The following PINK1 variants were observed in gnomAD, a reference collection of about 807,000 sequenced individuals.
PINK1 encodes serine/threonine-protein kinase PINK1, mitochondrial.
In PINK1, 58 loss-of-function variants were observed where a neutral mutation model predicts 56.0. The ratio of observed to expected loss-of-function variants is 1.04; its 90% CI spans 0.84 to 1.29. The LOEUF is 1.29. Among genes scored for constraint, PINK1 ranks in the 50% most tolerant of loss-of-function variants. PINK1 has a pLI of 0.00. For missense variants in PINK1, 745 were observed against 777.9 expected (o/e 0.96, Z 0.50); for synonymous variants, 354 against 339.3 (o/e 1.04, Z -0.48).
chr1:20,645,708 G>A lies in PINK1; in HGVS notation c.1108G>A (p.Val370Met), dbSNP rs1570405073. ...AGACCTGAAATCCGACAACATCCTT[G>A]TGGAGCTGGACCCAGGTAGGAACCT... ...HRDLKSDNIL[V>M]ELDPDGCPWL... The change falls in exon 5 of 8, where the codon GTG (valine) becomes ATG (methionine). Residue 370 changes from valine to methionine, a missense_variant. Coordinates refer to ENST00000321556, the MANE Select transcript of PINK1 (RefSeq NM_032409.3). 1 of 1,614,152 alleles carries A rather than the reference G, an allele frequency of 6.2e-7. No individual in the cohort carries two copies. The highest frequency in any genetic ancestry group is 8.5e-7 in the Non-Finnish European group (1 of 1,180,032).
chr1:20,645,863 C>A, intron 5 of PINK1, 140 bp downstream of exon 5: 2 of 1,119,012 alleles, frequency 1.8e-6, no homozygotes, highest in Non-Finnish European at 2.6e-6. Context: ...AAGAGGTTAG[C>A]AATCTCTCCC....
chr1:20,642,549 A>G (rs2053127105), intron 3 of PINK1: 2 of 152,246 alleles, frequency 1.3e-5, no homozygotes, highest in South Asian at 4.1e-4. Context: ...GACATCAGCA[A>G]ACTTGTTCTG....
At position 20,650,724 on chromosome 1, in the gene PINK1, G is replaced by A; in HGVS notation, c.*33G>A. On this transcript the variant is annotated 3_prime_UTR_variant, in exon 8 of 8. Coordinates refer to ENST00000321556, the MANE Select transcript of PINK1 (RefSeq NM_032409.3). ...GCATGGAGCTGGTGAATTACTAAAA[G>A]AACATGGCATCCTCTGTGTCGTGAT... is the stretch of plus-strand genomic sequence containing the variant. The A allele has an allele frequency of 6.2e-7, 1 of 1,608,090 alleles. No individual in the cohort carries two copies. Among genetic ancestry groups the A allele is most frequent in the South Asian group, 1.1e-5 (1 of 90,490 alleles).
intron 4 of PINK1, 73 bp from the exon 5 acceptor site, chr1:20,645,487 C>A (rs867148175): frequency 3.0e-4 from 334 of 1,120,678 alleles, no homozygotes; most frequent in African/African-American, 1.3e-3. Context: ...GACTCCATCT[C>A]AAAAAAAAAA....
In PINK1 at chr1:20,641,628, GAGA is replaced by G. The variant is rs2053116547; in HGVS notation, c.776+1639_776+1641del. On this transcript the variant is annotated intron_variant, in intron 3 of 7. Coordinates refer to ENST00000321556, the MANE Select transcript of PINK1 (RefSeq NM_032409.3). This position sits in a 1 kb window ranked among gnomAD's most constrained non-coding sequence, Gnocchi z 4.0. Reference sequence around the variant, plus strand: ...TACCTCAACTTCTGGTACACCTTGGGAGAAGCTTTCCCAAGAACACCCTGGGTT... The same window carrying G: ...TACCTCAACTTCTGGTACACCTTGGGAGCTTTCCCAAGAACACCCTGGGTT... Among the ~76,000 whole-genome samples, 1 of 152,102 alleles carries G rather than the reference GAGA, an allele frequency of 6.6e-6. No individual in the cohort carries two copies. The highest frequency in any genetic ancestry group is 1.5e-5 in the Non-Finnish European group (1 of 68,014).
At position 20,633,819 on chromosome 1, in the gene PINK1, G is replaced by C; in HGVS notation, c.271G>C (p.Gly91Arg). 1 of 1,577,586 alleles carries C rather than the reference G, an allele frequency of 6.3e-7. No homozygotes were observed. ...GCGGCAGTTCGTGGTGCGGGCCTGG[G>C]GCTGCGCGGGCCCTTGCGGCCGGGC... ...LQRQFVVRAW[G>R]CAGPCGRAVF... Residue 91 changes from glycine (G) to arginine (R), a missense_variant, in exon 1 of 8, where the codon GGC becomes CGC. Transcript: ENST00000321556.
At chr1:20,649,840 T>C in intron 7 of PINK1, 1 of 165,220 alleles carries the variant, frequency 6.1e-6, no homozygotes, top group South Asian at 1.5e-4. Flanking sequence ...AATGGAGATG[T>C]AGCTCATGGA....
At chr1:20,646,312 A>G (rs971778668) in intron 5 of PINK1, among the ~76,000 whole-genome samples, 1 of 152,036 alleles carries the variant, frequency 6.6e-6, no homozygotes, top group African/African-American at 2.4e-5. Context: ...ATAATAAAAA[A>G]TAATAAAGTA....
At chr1:20,636,057 C>A (rs915475027) in intron 1 of PINK1, among the ~76,000 whole-genome samples, 8 of 151,856 alleles carry the variant, frequency 5.3e-5, no homozygotes, top group African/African-American at 1.7e-4. Context: ...GTCCCAGCTA[C>A]TTAGGAGGCT....
Position 20,633,834 on chromosome 1 carries a change from T to C in PINK1, c.286T>C (p.Cys96Arg), listed in dbSNP as rs1410017139. The change falls in exon 1 of 8, where the codon TGC becomes CGC. Residue 96 changes from cysteine (C) to arginine (R), a missense_variant. Transcript: ENST00000321556. ...GCGGGCCTGGGGCTGCGCGGGCCCTTGCGGCCGGGCAGTCTTTCTGGCCTT... is the reference window on the plus strand; with the variant it reads ...GCGGGCCTGGGGCTGCGCGGGCCCTCGCGGCCGGGCAGTCTTTCTGGCCTT... ...VVRAWGCAGP[C>R]GRAVFLAFGL... 1.3e-6 allele frequency: 2 copies of C among 1,577,832 alleles called. No homozygotes were observed. The highest frequency in any genetic ancestry group is 4.6e-5 in the East Asian group (2 of 43,314).
chr1:20,642,401 G>A (rs2053125683), intron 3 of PINK1, among the ~76,000 whole-genome samples: 1 of 152,170 alleles, frequency 6.6e-6, no homozygotes, highest in Non-Finnish European at 1.5e-5. Context: ...TCTAAGATTA[G>A]CAGGTGATTG....
In PINK1 at chr1:20,644,689, C is replaced by T. The variant is rs781630957; in HGVS notation, c.959+17C>T. 50 of 1,613,478 alleles carry T rather than the reference C, an allele frequency of 3.1e-5. No individual in the cohort carries two copies. Among genetic ancestry groups the T allele is most frequent in the East Asian group, 2.2e-5 (1 of 44,884 alleles). ...TATGAAGAAGTAAGTGACAGCAGCG[C>T]GGCAGGGCCTGGAGCTGATACATCT... On this transcript the variant is annotated intron_variant, in intron 4 of 7. Transcript: ENST00000321556.
Position 20,647,205 on chromosome 1 carries a change from C to A in PINK1, c.1124-1300C>A, listed in dbSNP as rs1488600958. On this transcript the variant is annotated intron_variant, in intron 5 of 7. Coordinates refer to ENST00000321556, the MANE Select transcript of PINK1 (RefSeq NM_032409.3). ...CCGAGTAGCTGGGACTACAGGCGCC[C>A]ACCACCACGCCCGGCTAATTTTTTT... 7.2e-5 allele frequency among the ~76,000 whole-genome samples: 11 copies of A among 151,952 alleles called. No individual in the cohort carries two copies. The South Asian group carries it at 1.2e-3, about 17-fold the overall frequency.
At chr1:20,640,397 T>TAA (rs35907207) in intron 3 of PINK1, among the ~76,000 whole-genome samples, 4 of 151,544 alleles carry the variant, frequency 2.6e-5, no homozygotes, top group Admixed American at 1.3e-4. Flanking sequence ...CAAGAGATTT[T>TAA]AAAAAAAACA....
At chr1:20,640,892 C>T (rs540670281) in intron 3 of PINK1, among the ~76,000 whole-genome samples, 134 of 152,144 alleles carry the variant, frequency 8.8e-4, no homozygotes, top group African/African-American at 3.1e-3. Flanking sequence ...AAATTTTAGC[C>T]GGGCATGGGG....
rs759229874 is a variant in PINK1 at position 20,637,812 on chromosome 1, G to A, written c.388-30G>A. On this transcript the variant is annotated intron_variant, in intron 1 of 7. Transcript: ENST00000321556. ...TTTCTTGGGCCTTCCTAGGCTCCCT[G>A]GCTCACGGTGCATTCTTTTCTCATC... The A allele has an allele frequency of 6.2e-6, 10 of 1,612,706 alleles. No individual in the cohort carries two copies. In the Admixed American group the frequency reaches 1.7e-4, roughly 27 times the overall value.
Position 20,633,893 on chromosome 1 carries a change from G to A in PINK1, c.345G>A (p.Gln115=), listed in dbSNP as rs749456905. The change falls in exon 1 of 8, where the codon CAG becomes CAA. Residue 115 remains glutamine, a synonymous_variant. Coordinates refer to ENST00000321556, the MANE Select transcript of PINK1 (RefSeq NM_032409.3). ...GGCTGGGCCTCATCGAGGAAAAACA[G>A]GCGGAGAGCCGGCGGGCGGTCTCGG... ...GLGLGLIEEK[Q]AESRRAVSAC... 9.5e-6 allele frequency: 15 copies of A among 1,584,284 alleles called. No homozygotes were observed. Among genetic ancestry groups the A allele is most frequent in the Non-Finnish European group, 1.2e-5 (14 of 1,167,278 alleles).
chr1:20,647,870 G>A (rs1027125802), intron 5 of PINK1, among the ~76,000 whole-genome samples: 2 of 151,814 alleles, frequency 1.3e-5, no homozygotes, highest in Non-Finnish European at 1.5e-5. Context: ...TGCTCAGGCT[G>A]AAGTGATTCT....
At chr1:20,648,722 C>T (rs2053219527) in intron 6 of PINK1, 90 bp downstream of exon 6, 2 of 1,568,648 alleles carry the variant, frequency 1.3e-6, no homozygotes, top group South Asian at 1.2e-5. Flanking sequence ...GATAACCCAA[C>T]ACCTCCATCT....
Sources: allele counts gnomAD v4.1 joint callset (sites outside exome capture counted in the v4.1 genomes callset), GRCh38; gene constraint gnomAD v4.1.1; non-coding constraint Gnocchi (gnomAD v3.1); transcripts MANE v1.5; gene names NCBI Gene and HGNC (gene_info 2026-07-23, HGNC 2026-07-21).